C12orf42: variants seen among roughly 807,000 people sequenced by gnomAD.
C12orf42 encodes the protein uncharacterized protein C12orf42.
A neutral mutation model predicts 21.6 loss-of-function variants in C12orf42; 25 were observed. That is an observed-to-expected ratio of 1.16 (90% CI 0.84 to 1.62). C12orf42 has a LOEUF of 1.62. Among genes scored for constraint, C12orf42 ranks in the 40% most tolerant of loss-of-function variants. The pLI is 0.00. For synonymous variants in C12orf42, 174 were observed against 175.0 expected (o/e 0.99, Z 0.05); for missense variants, 483 against 459.3 (o/e 1.05, Z -0.47).
At chr12:103,176,203 T>TTG in the C12orf42 span, among the ~76,000 whole-genome samples, 1 of 152,184 alleles carries the variant, frequency 6.6e-6, no homozygotes, top group Non-Finnish European at 1.5e-5. Flanking sequence ...ATTCTGTCCC[T>TTG]GATTGGATTA....
chr12:103,176,170 T>TA, the C12orf42 span, among the ~76,000 whole-genome samples: 3 of 151,972 alleles, frequency 2.0e-5, no homozygotes, highest in East Asian at 1.9e-4. Flanking sequence ...CCACCACTAT[T>TA]AAAAAAACAA....
the C12orf42 span, chr12:103,548,973 C>G: frequency 6.6e-6 from 1 of 152,220 alleles, no homozygotes; most frequent in East Asian, 1.9e-4. Context: ...GAGCTAGTCT[C>G]ACTTCAGGTA....
the C12orf42 span, among the ~76,000 whole-genome samples, chr12:103,084,779 A>G: frequency 6.6e-6 from 1 of 152,216 alleles, no homozygotes; most frequent in Non-Finnish European, 1.5e-5. Context: ...AACAACAACA[A>G]CCAAGTATGC....
intron 1 of C12orf42, among the ~76,000 whole-genome samples, chr12:103,482,987 T>C (rs1210091868): frequency 6.6e-6 from 1 of 152,208 alleles, no homozygotes; most frequent in Non-Finnish European, 1.5e-5. Flanking sequence ...GTTTCTTGCT[T>C]ATAGTTTTGA....
chr12:103,123,171 G>C, the C12orf42 span, among the ~76,000 whole-genome samples: 6 of 152,124 alleles, frequency 3.9e-5, no homozygotes, highest in African/African-American at 1.4e-4. Context: ...TGGTCGGTGT[G>C]GGCTTAGCAC....
chr12:103,258,857 G>A (rs1365683473), intron 10 of C12orf42, among the ~76,000 whole-genome samples: 1 of 152,102 alleles, frequency 6.6e-6, no homozygotes, highest in East Asian at 1.9e-4. Flanking sequence ...CTATGTTCAT[G>A]GATGGGAAGA....
intron 4 of C12orf42, among the ~76,000 whole-genome samples, chr12:103,289,764 G>A (rs1364457035): frequency 6.6e-6 from 1 of 152,102 alleles, no homozygotes. Context: ...GCTCATTCTT[G>A]AACAAATAGT....
the C12orf42 span, among the ~76,000 whole-genome samples, chr12:103,077,110 C>G: frequency 3.9e-5 from 6 of 152,188 alleles, no homozygotes; most frequent in East Asian, 1.2e-3. Context: ...AATTTAATAC[C>G]AAATTATTAA....
intron 4 of C12orf42, among the ~76,000 whole-genome samples, chr12:103,291,998 CA>C (rs1383758753): frequency 1.3e-5 from 2 of 152,036 alleles, no homozygotes; most frequent in Non-Finnish European, 2.9e-5. Context: ...TCATAATAGT[CA>C]AAAGGTGGAC....
the C12orf42 span, among the ~76,000 whole-genome samples, chr12:103,071,822 C>A: frequency 1.3e-5 from 2 of 152,102 alleles, no homozygotes; most frequent in African/African-American, 2.4e-5. Flanking sequence ...AGCATGAGGA[C>A]AGACTAATAC....
chr12:103,348,826 A>G (rs1367190039), intron 4 of C12orf42, among the ~76,000 whole-genome samples: 1 of 152,186 alleles, frequency 6.6e-6, no homozygotes, highest in African/African-American at 2.4e-5. Flanking sequence ...AAAACAGAGC[A>G]GGGTGAGATA....
chr12:103,552,296 C>T, the C12orf42 span, among the ~76,000 whole-genome samples: 1 of 152,172 alleles, frequency 6.6e-6, no homozygotes, highest in African/African-American at 2.4e-5. Context: ...ATATAAGTGG[C>T]TCTATTTCCC....
At chr12:103,153,755 A>G in the C12orf42 span, among the ~76,000 whole-genome samples, 1 of 152,120 alleles carries the variant, frequency 6.6e-6, no homozygotes, top group Non-Finnish European at 1.5e-5. Flanking sequence ...GGGAGTATCT[A>G]TAATATCTAA....
At chr12:103,155,561 G>T in the C12orf42 span, among the ~76,000 whole-genome samples, 1 of 152,022 alleles carries the variant, frequency 6.6e-6, no homozygotes, top group African/African-American at 2.4e-5. Context: ...CTCTCCCAGA[G>T]AGCACATTGG....
chr12:103,226,917 C>T, the C12orf42 span, among the ~76,000 whole-genome samples: 1 of 152,174 alleles, frequency 6.6e-6, no homozygotes, highest in South Asian at 2.1e-4. Context: ...GGACGTCAGG[C>T]ACCTCAGACC....
chr12:103,230,668 T>C, the C12orf42 span, among the ~76,000 whole-genome samples: 1 of 152,228 alleles, frequency 6.6e-6, no homozygotes, highest in African/African-American at 2.4e-5. Context: ...CTTCACTTAT[T>C]CATTCCCGAA....
chr12:103,365,508 C>A (rs921046103), intron 4 of C12orf42, among the ~76,000 whole-genome samples: 10 of 151,912 alleles, frequency 6.6e-5, no homozygotes, highest in Admixed American at 3.3e-4. Flanking sequence ...TCAAGGGCAT[C>A]CAAATCAGTA....
chr12:103,401,531 G>T, intron 3 of C12orf42, 76 bp downstream of exon 3: 1 of 1,185,362 alleles, frequency 8.4e-7, no homozygotes, highest in Non-Finnish European at 1.2e-6. Context: ...AAACAAATCT[G>T]CTTACATGTA....
At chr12:103,528,719 C>T in the C12orf42 span, among the ~76,000 whole-genome samples, 9 of 152,208 alleles carry the variant, frequency 5.9e-5, no homozygotes, top group African/African-American at 1.7e-4. Context: ...ATCAAAATCA[C>T]GAGCCAAATA....
Sources: allele counts gnomAD v4.1 joint callset (sites outside exome capture counted in the v4.1 genomes callset), GRCh38; gene constraint gnomAD v4.1.1; transcripts MANE v1.5; gene names NCBI Gene and HGNC (gene_info 2026-07-23, HGNC 2026-07-21).